Variants in NAALADL2 observed in about 807,000 individuals in gnomAD.
The protein encoded by NAALADL2 is inactive N-acetylated-alpha-linked acidic dipeptidase-like protein 2.
In NAALADL2, 76 loss-of-function variants were observed where a neutral mutation model predicts 87.2. The observed-to-expected ratio is 0.87, with a 90% CI of 0.72 to 1.05. The LOEUF is 1.05. Ranked by LOEUF, NAALADL2 falls within the 50% of genes least tolerant of loss-of-function variation. The probability of loss-of-function intolerance (pLI) is 0.00; values close to 1 mark genes in which losing one functional copy is unlikely to be tolerated. For synonymous variants in NAALADL2, 354 were observed against 331.0 expected (o/e 1.07, Z -0.75); for missense variants, 1,089 against 945.8 (o/e 1.15, Z -1.99).
intron 5 of NAALADL2, among the ~76,000 whole-genome samples, chr3:175,396,352 A>T (rs1033943312): frequency 1.3e-5 from 2 of 152,166 alleles, no homozygotes; most frequent in Non-Finnish European, 2.9e-5. Context: ...AAACCATATT[A>T]AAAATGCCAA....
chr3:174,906,095 T>C (rs929509839), intron 1 of NAALADL2, among the ~76,000 whole-genome samples: 1 of 152,108 alleles, frequency 6.6e-6, no homozygotes, highest in Middle Eastern at 3.2e-3. Flanking sequence ...TTTCTGTATA[T>C]TGTACAAAAC....
At chr3:175,354,686 AGGC>A (rs1764147465) in intron 5 of NAALADL2, among the ~76,000 whole-genome samples, 1 of 151,934 alleles carries the variant, frequency 6.6e-6, no homozygotes. Context: ...CTATGTTTCC[AGGC>A]TAGAGTGCAG....
At chr3:174,665,464 G>T (rs768870537) in intron 2 of NAALADL2, among the ~76,000 whole-genome samples, 1 of 152,096 alleles carries the variant, frequency 6.6e-6, no homozygotes, top group Non-Finnish European at 1.5e-5. Context: ...TTATCATGTG[G>T]CAGGTTCTGG....
intron 5 of NAALADL2, among the ~76,000 whole-genome samples, chr3:175,375,983 C>A (rs1767075621): frequency 6.6e-6 from 1 of 152,076 alleles, no homozygotes; most frequent in Non-Finnish European, 1.5e-5. Flanking sequence ...TTTCAGTCTA[C>A]AAATAAGTTG....
At chr3:174,605,831 G>A (rs1044458568) in intron 2 of NAALADL2, among the ~76,000 whole-genome samples, 10 of 152,106 alleles carry the variant, frequency 6.6e-5, no homozygotes, top group Middle Eastern at 3.2e-3. Context: ...CTCCCAGCAT[G>A]CAGCTGGAGA....
intron 5 of NAALADL2, among the ~76,000 whole-genome samples, chr3:175,335,675 C>T (rs1221877460): frequency 1.3e-5 from 2 of 152,122 alleles, no homozygotes; most frequent in Admixed American, 6.6e-5. Flanking sequence ...AAACTGCTAG[C>T]ATTGTAAATT....
At chr3:174,452,023 A>T (rs1426652934) in intron 1 of NAALADL2, among the ~76,000 whole-genome samples, 2 of 150,612 alleles carry the variant, frequency 1.3e-5, no homozygotes, top group African/African-American at 4.9e-5. Flanking sequence ...TTTTTTTTAA[A>T]CTAGAGGTGG....
At chr3:174,616,505 G>A (rs943421489) in intron 2 of NAALADL2, among the ~76,000 whole-genome samples, 6 of 151,856 alleles carry the variant, frequency 4.0e-5, no homozygotes, top group Non-Finnish European at 7.4e-5. Flanking sequence ...GAACCACTTT[G>A]AATTAAGCTG....
chr3:175,655,057 T>C lies in NAALADL2; in HGVS notation c.1896+27671T>C, dbSNP rs116119007. On this transcript the variant is annotated intron_variant, in intron 11 of 13. Transcript: ENST00000454872. Reference sequence around the variant, plus strand: ...CAATAACAAGTGGTAACTACAAAATTATTACAATAGGATAGTATGAATTAC... The same window carrying C: ...CAATAACAAGTGGTAACTACAAAATCATTACAATAGGATAGTATGAATTAC... Among the ~76,000 whole-genome samples, 362 of 152,270 alleles carry C rather than the reference T, an allele frequency of 2.4e-3. 4 individuals carry two copies. The highest frequency in any genetic ancestry group is 2.3e-3 in the Non-Finnish European group (159 of 68,018).
intron 11 of NAALADL2, among the ~76,000 whole-genome samples, chr3:175,685,188 C>A (rs116386293): frequency 6.6e-6 from 1 of 152,060 alleles, no homozygotes; most frequent in Non-Finnish European, 1.5e-5. Flanking sequence ...GCAAATAGTA[C>A]CCTCCTTAAG....
At chr3:174,621,662 T>A (rs2108667564) in intron 2 of NAALADL2, among the ~76,000 whole-genome samples, 1 of 152,250 alleles carries the variant, frequency 6.6e-6, no homozygotes, top group Middle Eastern at 3.4e-3. Flanking sequence ...AAATACAACC[T>A]TAAACTTGTT....
At chr3:175,086,231 A>G (rs1718871209) in intron 1 of NAALADL2, among the ~76,000 whole-genome samples, 2 of 152,232 alleles carry the variant, frequency 1.3e-5, no homozygotes, top group Admixed American at 1.3e-4. Flanking sequence ...ACAATATATC[A>G]TTCTCAACAC....
intron 2 of NAALADL2, among the ~76,000 whole-genome samples, chr3:175,167,539 C>T (rs1036489630): frequency 2.0e-5 from 3 of 151,896 alleles, no homozygotes; most frequent in Non-Finnish European, 4.4e-5. Flanking sequence ...TTGCAAAGTC[C>T]AGTGAAAAAT....
At chr3:174,711,855 A>G (rs561202323) in intron 2 of NAALADL2, among the ~76,000 whole-genome samples, 109 of 152,316 alleles carry the variant, frequency 7.2e-4, no homozygotes, top group African/African-American at 2.5e-3. Context: ...GCTGGAGTGC[A>G]GTGGTGTGAT....
chr3:175,019,033 T>A (rs551137288), intron 1 of NAALADL2, among the ~76,000 whole-genome samples: 2 of 152,222 alleles, frequency 1.3e-5, no homozygotes, highest in East Asian at 3.9e-4. Flanking sequence ...ACTTGAATTA[T>A]TATACCACCA....
chr3:174,583,284 C>T (rs563568858), intron 2 of NAALADL2, among the ~76,000 whole-genome samples: 1 of 152,166 alleles, frequency 6.6e-6, no homozygotes, highest in Non-Finnish European at 1.5e-5. Flanking sequence ...AATTTTTTTC[C>T]ATTAAGTTCT....
intron 1 of NAALADL2, among the ~76,000 whole-genome samples, chr3:174,495,324 A>G (rs1242545398): frequency 1.3e-5 from 2 of 151,732 alleles, no homozygotes; most frequent in African/African-American, 2.4e-5. Context: ...TTGAGCAACA[A>G]TTCTTCCTCA....
At chr3:175,520,455 C>T (rs949971995) in intron 9 of NAALADL2, among the ~76,000 whole-genome samples, 21 of 151,480 alleles carry the variant, frequency 1.4e-4, no homozygotes, top group Admixed American at 7.2e-4. Flanking sequence ...CCCGCCACCG[C>T]GCCCGGCTAA....
At chr3:174,708,918 T>G (rs1304324657) in intron 2 of NAALADL2, among the ~76,000 whole-genome samples, 1 of 152,144 alleles carries the variant, frequency 6.6e-6, no homozygotes, top group Non-Finnish European at 1.5e-5. Context: ...TTAAATAAAG[T>G]CCATTCTTTG....
Sources: allele counts gnomAD v4.1 joint callset (sites outside exome capture counted in the v4.1 genomes callset), GRCh38; gene constraint gnomAD v4.1.1; transcripts MANE v1.5; gene names NCBI Gene and HGNC (gene_info 2026-07-23, HGNC 2026-07-21).